The following CD99 variants were observed in gnomAD, a reference collection of about 807,000 sequenced individuals.
The protein encoded by CD99 is CD99 antigen.
A neutral mutation model predicts 28.4 loss-of-function variants in CD99; 19 were observed. That is an observed-to-expected ratio of 0.67 (90% CI 0.47 to 0.98). The LOEUF is 0.98. CD99 is among the 50% of genes least tolerant of loss of function. The pLI is 0.00. For missense variants in CD99, 283 were observed against 248.8 expected (o/e 1.14, Z -0.92); for synonymous variants, 103 against 92.1 (o/e 1.12, Z -0.67).
intron 6 of CD99, 146 bp downstream of exon 6, chrX:2,722,820 T>C: frequency 3.4e-6 from 3 of 876,952 alleles, no homozygotes; most frequent in Non-Finnish European, 5.8e-6. Flanking sequence ...CTCCGCCTGT[T>C]TGCTGAGGCT....
In CD99 at chrX:2,738,213, G is replaced by A. The variant is rs1569452218; in HGVS notation, c.489G>A (p.Glu163=). The part of the protein sequence containing the change: ...LCFKENAEQG[E]VDMESHRNAN... ...TCTTCTTTTCAGCAGAACAAGGGGAGGTGGACATGGAGAGCCACCGGAATG... is the reference window on the plus strand; with the variant it reads ...TCTTCTTTTCAGCAGAACAAGGGGAAGTGGACATGGAGAGCCACCGGAATG... Residue 163 remains glutamate, a synonymous_variant, in exon 9 of 10, where the codon GAG becomes GAA. Coordinates refer to ENST00000381192, the MANE Select transcript of CD99 (RefSeq NM_002414.5). 1.9e-6 allele frequency: 3 copies of A among 1,613,872 alleles called. No individual in the cohort carries two copies. Among genetic ancestry groups the A allele is most frequent in the East Asian group, 2.2e-5 (1 of 44,872 alleles).
chrX:2,701,007 A>G (rs2047833977), intron 1 of CD99, among the ~76,000 whole-genome samples: 2 of 147,844 alleles, frequency 1.4e-5, no homozygotes, highest in African/African-American at 5.0e-5. Context: ...CCACTTATCC[A>G]TGCATTCATC....
At chrX:2,708,380 A>T (rs1386339654) in intron 1 of CD99, among the ~76,000 whole-genome samples, 2 of 152,010 alleles carry the variant, frequency 1.3e-5, no homozygotes, top group African/African-American at 2.4e-5. Flanking sequence ...CTTAAGTGTT[A>T]GTCACCCGAG....
chrX:2,721,134 C>T (rs2048973897), intron 5 of CD99, among the ~76,000 whole-genome samples: 1 of 151,490 alleles, frequency 6.6e-6, no homozygotes, highest in Non-Finnish European at 1.5e-5. Context: ...TCGAATAGCA[C>T]CAGTTTTTTT....
intron 7 of CD99, among the ~76,000 whole-genome samples, chrX:2,725,652 C>T (rs28391395): frequency 0.12 from 18,252 of 152,082 alleles, 1,360 homozygotes; most frequent in Admixed American, 0.17. Flanking sequence ...ATTGCTCTGT[C>T]GCCCAGGCTG....
chrX:2,721,462 G>GT (rs2048990025), intron 5 of CD99, among the ~76,000 whole-genome samples: 1 of 151,748 alleles, frequency 6.6e-6, no homozygotes, highest in Non-Finnish European at 1.5e-5. Context: ...TGACCAGTTA[G>GT]TTTTTTCATT....
intron 1 of CD99, among the ~76,000 whole-genome samples, chrX:2,703,967 T>G (rs1316198064): frequency 1.3e-5 from 2 of 152,098 alleles, no homozygotes; most frequent in Non-Finnish European, 2.9e-5. Context: ...TGCCTTGCTG[T>G]TGTCTGAGCC....
At chrX:2,735,993 G>C (rs1166974585) in intron 8 of CD99, among the ~76,000 whole-genome samples, 4 of 152,098 alleles carry the variant, frequency 2.6e-5, no homozygotes, top group Non-Finnish European at 4.4e-5. Context: ...ACGAAGTCAG[G>C]AGATCGAGAC....
intron 1 of CD99, among the ~76,000 whole-genome samples, chrX:2,708,703 T>C (rs2048238872): frequency 6.6e-6 from 1 of 152,066 alleles, no homozygotes. Flanking sequence ...GAGAAGGGCG[T>C]GAGGGGCATA....
At position 2,700,111 on chromosome X, in the gene CD99, G is replaced by A. The variant is rs764244803; in HGVS notation, c.67+8684G>A. On this transcript the variant is annotated intron_variant, in intron 1 of 9. Transcript: ENST00000381192. ...TGGGCACAGGGGTTGCTGGGCTTGG[G>A]AGTTGGTGGCTGCGTGTGTGGGCTG... Among the ~76,000 whole-genome samples, 6 of 152,324 alleles carry A rather than the reference G, an allele frequency of 3.9e-5. No homozygotes were observed. In the East Asian group the frequency reaches 1.2e-3, roughly 29 times the overall value.
At chrX:2,710,196 C>T (rs1042813719) in intron 1 of CD99, among the ~76,000 whole-genome samples, 24 of 152,170 alleles carry the variant, frequency 1.6e-4, no homozygotes, top group Middle Eastern at 6.8e-3. Flanking sequence ...CACTGTGTTC[C>T]GGCCGTGGGG....
chrX:2,722,545 A>G, intron 5 of CD99, 82 bp from the exon 6 acceptor site: 9 of 1,261,786 alleles, frequency 7.1e-6, no homozygotes, highest in East Asian at 2.3e-5. Flanking sequence ...GCCGGTTTTC[A>G]TGAGTTTTTC....
At chrX:2,728,834 CTTTT>C (rs1332444102) in intron 8 of CD99, among the ~76,000 whole-genome samples, 34 of 119,612 alleles carry the variant, frequency 2.8e-4, no homozygotes, top group Non-Finnish European at 4.7e-4. Context: ...AACTCTCTGG[CTTTT>C]TTTTTTTTTT....
intron 8 of CD99, chrX:2,733,411 C>T: frequency 6.3e-7 from 1 of 1,579,214 alleles, no homozygotes; most frequent in Non-Finnish European, 8.6e-7. Flanking sequence ...GCGGAGCGTC[C>T]TGACCGTAAT....
At chrX:2,736,840 G>A (rs2124310013) in intron 8 of CD99, among the ~76,000 whole-genome samples, 1 of 151,906 alleles carries the variant, frequency 6.6e-6, no homozygotes, top group African/African-American at 2.4e-5. Flanking sequence ...CTGGGCGACA[G>A]AGCGAGACTC....
chrX:2,710,927 G>A (rs1197040449), intron 1 of CD99, among the ~76,000 whole-genome samples: 1 of 135,010 alleles, frequency 7.4e-6, no homozygotes, highest in African/African-American at 2.8e-5. Context: ...CTGGAGTGCA[G>A]TGGCATGATC....
At chrX:2,730,790 G>A (rs1347691185) in intron 8 of CD99, among the ~76,000 whole-genome samples, 5 of 152,158 alleles carry the variant, frequency 3.3e-5, no homozygotes, top group East Asian at 1.9e-4. Flanking sequence ...TTAGCTGTGC[G>A]TGATGGTGGG....
At chrX:2,696,496 G>A (rs917054502) in intron 1 of CD99, among the ~76,000 whole-genome samples, 9 of 152,080 alleles carry the variant, frequency 5.9e-5, no homozygotes, top group East Asian at 1.9e-4. Context: ...TGCCTCCCAG[G>A]TTCAAGCAAT....
intron 1 of CD99, among the ~76,000 whole-genome samples, chrX:2,697,962 G>A (rs1391032020): frequency 7.9e-5 from 12 of 151,728 alleles, no homozygotes; most frequent in African/African-American, 2.9e-4. Flanking sequence ...TTTTGAGACC[G>A]TGCCGAGGTG....
Sources: allele counts gnomAD v4.1 joint callset (sites outside exome capture counted in the v4.1 genomes callset), GRCh38; gene constraint gnomAD v4.1.1; transcripts MANE v1.5; gene names NCBI Gene and HGNC (gene_info 2026-07-23, HGNC 2026-07-21).